Variants in FLNB observed in about 807,000 individuals in gnomAD.
The protein encoded by FLNB is filamin B, also known as filamin-B.
In FLNB, 111 loss-of-function variants were observed where a neutral mutation model predicts 250.6. The observed-to-expected ratio is 0.44, with a 90% CI of 0.38 to 0.52. FLNB has a LOEUF of 0.52. Ranked by LOEUF, FLNB falls within the 20% of genes least tolerant of loss-of-function variation. FLNB has a pLI of 0.00. For synonymous variants in FLNB, 1,302 were observed against 1,372.1 expected, an observed-to-expected ratio of 0.95 and a Z score of 1.13; for missense variants, 2,869 against 3,447.8, an observed-to-expected ratio of 0.83 and a Z score of 4.20.
At chr3:58,130,255 G>T (rs2097304799) in intron 24 of FLNB, among the ~76,000 whole-genome samples, 2 of 152,084 alleles carry the variant, frequency 1.3e-5, no homozygotes, top group African/African-American at 4.8e-5. Context: ...TCCTTCAGTT[G>T]CTCCAGCAGC....
chr3:58,125,500 G>C, intron 22 of FLNB, 81 bp from the exon 23 acceptor site: 1 of 1,498,364 alleles, frequency 6.7e-7, no homozygotes, highest in South Asian at 1.1e-5. Flanking sequence ...GATGCTAGAT[G>C]AAACTCTGAA....
chr3:58,159,813 C>A, intron 42 of FLNB, 127 bp downstream of exon 42: 1 of 1,001,816 alleles, frequency 1.0e-6, no homozygotes, highest in Non-Finnish European at 1.5e-6. Context: ...ATTCCCTTTG[C>A]TGTTGCCAGA....
intron 10 of FLNB, among the ~76,000 whole-genome samples, 158 bp from the exon 11 acceptor site, chr3:58,104,922 G>A (rs1311334655): frequency 1.3e-5 from 2 of 152,200 alleles, no homozygotes; most frequent in African/African-American, 2.4e-5. Flanking sequence ...GTAGCTATGG[G>A]TGAGAGGCCT....
At chr3:58,131,045 A>G in intron 25 of FLNB, 137 bp downstream of exon 25, 1 of 821,644 alleles carries the variant, frequency 1.2e-6, no homozygotes, top group Non-Finnish European at 1.9e-6. Context: ...TTTCATTTCT[A>G]GTTAAACAGT....
Position 58,008,519 on chromosome 3 carries a change from C to T in FLNB, c.-46C>T. 2 of 1,552,966 alleles carry T rather than the reference C, an allele frequency of 1.3e-6. No homozygotes were observed. The highest frequency in any genetic ancestry group is 2.4e-5 in the East Asian group (1 of 41,106). On this transcript the variant is annotated 5_prime_UTR_variant, in exon 1 of 46. Coordinates refer to ENST00000295956, the MANE Select transcript of FLNB (RefSeq NM_001457.4). ...CTTCGGCCCTTGGGCCTCCAAACACCAGTCCCCGGCAGCTCGTTGCGCATT... is the reference window on the plus strand; with the variant it reads ...CTTCGGCCCTTGGGCCTCCAAACACTAGTCCCCGGCAGCTCGTTGCGCATT...
chr3:58,078,962 A>C (rs2097205354), intron 3 of FLNB, 148 bp downstream of exon 3: 1 of 662,188 alleles, frequency 1.5e-6, no homozygotes, highest in South Asian at 1.6e-5. Flanking sequence ...TCCTCAGTTT[A>C]CCCATAATAA....
chr3:58,019,729 T>G (rs1416300030), intron 1 of FLNB, among the ~76,000 whole-genome samples: 3 of 152,246 alleles, frequency 2.0e-5, no homozygotes, highest in African/African-American at 7.2e-5. Flanking sequence ...TTGCGCTTGA[T>G]TCATGTGAAA....
intron 4 of FLNB, among the ~76,000 whole-genome samples, chr3:58,090,100 G>A (rs1346816860): frequency 6.6e-6 from 1 of 151,740 alleles, no homozygotes; most frequent in Non-Finnish European, 1.5e-5. Context: ...CCCGGCCTCT[G>A]TAAGCTTTTT....
rs747941852 is a variant in FLNB, at chr3:58,170,622, G to A, written c.7669G>A (p.Glu2557Lys). The change falls in exon 46 of 46, where the codon GAG (glutamate) becomes AAG (lysine). Residue 2557 changes from glutamate (E) to lysine (K), a missense_variant. Physicochemically the swap from Glu to Lys is moderately conservative, Grantham distance 56. Around this residue, in one of 5 missense-constraint regions of FLNB, gnomAD observed 1,084 missense variants for 1,315.5 expected, o/e 0.82. Coordinates refer to ENST00000295956, the MANE Select transcript of FLNB (RefSeq NM_001457.4). Reference sequence around the variant, plus strand: ...GGTCCATGGGCCCACCACCCCCTGCGAGGAGGTCTCCATGAAGCATGTAGG... The same window carrying A: ...GGTCCATGGGCCCACCACCCCCTGCAAGGAGGTCTCCATGAAGCATGTAGG... Reference protein sequence around the residue: ...IGVHGPTTPCEEVSMKHVGNQ... With the variant: ...IGVHGPTTPCKEVSMKHVGNQ... 3.3e-5 allele frequency: 53 copies of A among 1,613,976 alleles called. No homozygotes were observed. In the East Asian group the frequency reaches 4.7e-4, roughly 14 times the overall value.
chr3:58,123,728 A>T, intron 21 of FLNB, 38 bp downstream of exon 21: 2 of 1,382,030 alleles, frequency 1.4e-6, no homozygotes, highest in Non-Finnish European at 9.9e-7. Context: ...AAAAAAAAAG[A>T]CAAGCTGGGA....
rs60851192 is a variant in FLNB at position 58,018,327 on chromosome 3, C to CTT, written c.292+9496_292+9497dup. Among the ~76,000 whole-genome samples, 572 of 63,236 alleles carry CTT rather than the reference C, an allele frequency of 9.0e-3. 82 individuals carry two copies. Among genetic ancestry groups the CTT allele is most frequent in the African/African-American group, 0.04 (524 of 13,190 alleles). 41.5% of individuals were successfully genotyped at this position (63,236 alleles called of 152,430 possible). Reference sequence around the variant, plus strand: ...CCTCTTTGAGCTATGTATTCATTGACTTTTTTTTTTTTTTTTTTTTTTTTT... The same window carrying CTT: ...CCTCTTTGAGCTATGTATTCATTGACTTTTTTTTTTTTTTTTTTTTTTTTTTT... On this transcript the variant is annotated intron_variant, in intron 1 of 45. Transcript: ENST00000295956.
rs560028287 is a variant in FLNB, at chr3:58,169,946, G to A, written c.7621+153G>A. On this transcript the variant is annotated intron_variant, in intron 45 of 45. Transcript: ENST00000295956. This position sits in a 1 kb window ranked among gnomAD's most constrained non-coding sequence, Gnocchi z 4.8. The stretch of plus-strand genomic sequence containing the variant: ...ACCATCGTCATGACCCTGTTCTCCT[G>A]CACTTAATATTTTTAAATGATTTCC... Among the ~76,000 whole-genome samples the A allele has an allele frequency of 6.6e-6, 1 of 152,304 alleles. No individual in the cohort carries two copies. Among genetic ancestry groups the A allele is most frequent in the South Asian group, 2.1e-4 (1 of 4,828 alleles).
intron 4 of FLNB, among the ~76,000 whole-genome samples, chr3:58,091,589 G>A (rs2097227527): frequency 1.3e-5 from 2 of 151,774 alleles, no homozygotes; most frequent in Admixed American, 6.6e-5. Flanking sequence ...CTAGAGCTAG[G>A]CAAATAGTTC....
chr3:58,142,633 C>T lies in FLNB; in HGVS notation c.5182-17C>T. 6.2e-7 allele frequency: 1 copy of T among 1,605,228 alleles called. No homozygotes were observed. Among genetic ancestry groups the T allele is most frequent in the South Asian group, 1.1e-5 (1 of 90,878 alleles). ...TGTTGTCTGCTTTACCCAGTGACCA[C>T]TGCCTTCTGTTTTTAGGTGACCGAA... On this transcript the variant is annotated splice_polypyrimidine_tract_variant and intron_variant, in intron 30 of 45. Transcript: ENST00000295956. The surrounding 1 kb of genome is among the most constrained non-coding windows in gnomAD (Gnocchi z 4.3).
intron 43 of FLNB, among the ~76,000 whole-genome samples, chr3:58,166,990 T>C (rs2097371777): frequency 6.6e-6 from 1 of 152,088 alleles, no homozygotes; most frequent in Admixed American, 6.5e-5. Context: ...TAGCTGGGCA[T>C]GGTGGCGAGT....
Position 58,169,834 on chromosome 3 carries a change from G to C in FLNB, c.7621+41G>C. 2 of 1,436,312 alleles carry C rather than the reference G, an allele frequency of 1.4e-6. No individual in the cohort carries two copies. The highest frequency in any genetic ancestry group is 2.0e-6 in the Non-Finnish European group (2 of 1,024,678). 89.0% of individuals were successfully genotyped at this position (1,436,312 alleles called of 1,614,324 possible). A position where few individuals can be genotyped will look rare whatever the true frequency, so the allele number is the denominator to read the frequency against. The stretch of plus-strand genomic sequence containing the variant: ...TTTTCAAGGGTGGGGTGGGGCAGGG[G>C]CAGGCTGGGCACCCTGGGTACACTG... On this transcript the variant is annotated intron_variant, in intron 45 of 45. Transcript: ENST00000295956. The surrounding 1 kb of genome is among the most constrained non-coding windows in gnomAD (Gnocchi z 4.8).
intron 1 of FLNB, among the ~76,000 whole-genome samples, chr3:58,045,665 C>T (rs1334665208): frequency 1.3e-5 from 2 of 152,058 alleles, no homozygotes; most frequent in Admixed American, 6.6e-5. Flanking sequence ...CTCTTAAGCT[C>T]ACGAAAGTTC....
At chr3:58,017,628 T>C (rs2097107683) in intron 1 of FLNB, among the ~76,000 whole-genome samples, 1 of 152,216 alleles carries the variant, frequency 6.6e-6, no homozygotes, top group Non-Finnish European at 1.5e-5. Context: ...TCCTGCCCTC[T>C]AAGAGCCTTA....
chr3:58,061,806 G>A (rs142744330), intron 1 of FLNB, among the ~76,000 whole-genome samples: 3 of 151,674 alleles, frequency 2.0e-5, no homozygotes, highest in Non-Finnish European at 2.9e-5. Flanking sequence ...TAAATTTTTG[G>A]GGGGGCTGGG....
Sources: allele counts gnomAD v4.1 joint callset (sites outside exome capture counted in the v4.1 genomes callset), GRCh38; gene constraint gnomAD v4.1.1; regional missense constraint gnomAD v4.1.1; non-coding constraint Gnocchi (gnomAD v3.1); transcripts MANE v1.5; gene names NCBI Gene and HGNC (gene_info 2026-07-23, HGNC 2026-07-21).